The following DDAH1 variants were observed in gnomAD, a reference collection of about 807,000 sequenced individuals.
DDAH1 encodes N(G),N(G)-dimethylarginine dimethylaminohydrolase 1.
A neutral mutation model predicts 28.8 loss-of-function variants in DDAH1; 19 were observed. The observed-to-expected ratio is 0.66, with a 90% CI of 0.46 to 0.97. The LOEUF is 0.97. Among genes scored for constraint, DDAH1 ranks in the 50% least tolerant of loss-of-function variants. DDAH1 has a pLI of 0.00. For synonymous variants in DDAH1, 153 were observed against 154.4 expected (o/e 0.99, Z 0.07); for missense variants, 326 against 375.9 (o/e 0.87, Z 1.10).
intron 1 of DDAH1, among the ~76,000 whole-genome samples, chr1:85,434,265 A>G (rs1351163086): frequency 6.6e-6 from 1 of 152,176 alleles, no homozygotes; most frequent in Non-Finnish European, 1.5e-5. Flanking sequence ...AAAATGATTA[A>G]TCAGTTGCCT....
intron 1 of DDAH1, among the ~76,000 whole-genome samples, chr1:85,403,056 G>A (rs1045794351): frequency 2.0e-5 from 3 of 152,064 alleles, no homozygotes; most frequent in Non-Finnish European, 2.9e-5. Flanking sequence ...GGATCTGTGT[G>A]TGTTGGCTGT....
chr1:85,416,662 CTTCTT>C (rs944210585), intron 1 of DDAH1, among the ~76,000 whole-genome samples: 5 of 152,040 alleles, frequency 3.3e-5, no homozygotes, highest in Admixed American at 1.3e-4. Context: ...GAACTGGTGC[CTTCTT>C]TTCTTTTTTT....
chr1:85,569,475 C>T (rs958991724), intron 1 of DDAH1, among the ~76,000 whole-genome samples: 3 of 152,212 alleles, frequency 2.0e-5, no homozygotes, highest in Non-Finnish European at 4.4e-5. Context: ...GCTAAATTAA[C>T]TGCATTTGGT....
intron 1 of DDAH1, among the ~76,000 whole-genome samples, chr1:85,558,861 T>C (rs1659060243): frequency 6.6e-6 from 1 of 152,214 alleles, no homozygotes; most frequent in African/African-American, 2.4e-5. Context: ...TTTTGTTTAA[T>C]TAACATTGGT....
chr1:85,342,094 T>C lies in DDAH1; in HGVS notation c.597+8321A>G, dbSNP rs1648526248. The stretch of plus-strand genomic sequence containing the variant: ...GATTCCTACTGAGGCTAATTCAACT[T>C]TGTTTTTTCAAGAAGAGAACGAGTA... On this transcript the variant is annotated intron_variant, in intron 4 of 5. Transcript: ENST00000284031. Among the ~76,000 whole-genome samples, 3 of 152,070 alleles carry C rather than the reference T, an allele frequency of 2.0e-5. No homozygotes were observed. The South Asian group carries it at 6.2e-4, about 32-fold the overall frequency.
chr1:85,387,563 T>C (rs561811678), intron 1 of DDAH1, among the ~76,000 whole-genome samples: 4 of 152,204 alleles, frequency 2.6e-5, no homozygotes, highest in Admixed American at 6.5e-5. Flanking sequence ...TGGGCTTCAC[T>C]ATCCTTATTT....
chr1:85,366,435 T>C (rs1650080469), intron 1 of DDAH1, among the ~76,000 whole-genome samples: 1 of 152,196 alleles, frequency 6.6e-6, no homozygotes, highest in Non-Finnish European at 1.5e-5. Flanking sequence ...TGGGTTTATT[T>C]CTAGTGGAAA....
At chr1:85,417,595 T>C (rs1368528011) in intron 1 of DDAH1, among the ~76,000 whole-genome samples, 1 of 152,246 alleles carries the variant, frequency 6.6e-6, no homozygotes, top group Non-Finnish European at 1.5e-5. Flanking sequence ...ATGTAAATCC[T>C]ATCTCCTTAT....
At chr1:85,347,368 A>G (rs995707185) in intron 4 of DDAH1, among the ~76,000 whole-genome samples, 6 of 152,172 alleles carry the variant, frequency 3.9e-5, no homozygotes, top group Non-Finnish European at 8.8e-5. Context: ...AACCAACCCA[A>G]ATGTCCATCA....
At chr1:85,411,461 G>GTCACACCA (rs1652650714) in intron 1 of DDAH1, among the ~76,000 whole-genome samples, 1 of 152,028 alleles carries the variant, frequency 6.6e-6, no homozygotes, top group South Asian at 2.1e-4. Context: ...CCTGATGAGG[G>GTCACACCA]GACTGATGCT....
chr1:85,464,486 GCCCA>G lies in DDAH1; in HGVS notation c.303+253_303+256del. On this transcript the variant is annotated intron_variant, in intron 1 of 5. Transcript: ENST00000284031. This position sits in a 1 kb window ranked among gnomAD's most constrained non-coding sequence, Gnocchi z 4.4. ...AAATGCCCGTGAGACGGAATCCCCC[GCCCA>G]CCCACCTGCCCGAGACCGTACAACC... 1 of 1,457,806 alleles carries G rather than the reference GCCCA, an allele frequency of 6.9e-7. No homozygotes were observed. The highest frequency in any genetic ancestry group is 9.1e-7 in the Non-Finnish European group (1 of 1,096,596). The allele number at this position is 1,457,806 out of a possible 1,614,324, so 90.3% of individuals were successfully genotyped here.
intron 1 of DDAH1, among the ~76,000 whole-genome samples, chr1:85,514,367 C>T (rs1311510983): frequency 1.3e-5 from 2 of 152,230 alleles, no homozygotes; most frequent in Non-Finnish European, 2.9e-5. Flanking sequence ...GGGAACATCA[C>T]ACACCGGGGC....
chr1:85,478,280 T>A (rs1655871395), intron 2 of DDAH1, among the ~76,000 whole-genome samples: 1 of 152,236 alleles, frequency 6.6e-6, no homozygotes, highest in African/African-American at 2.4e-5. Flanking sequence ...CTAACTTGCT[T>A]TTTGCCAAGA....
At chr1:85,414,648 G>A (rs1311382521) in intron 1 of DDAH1, among the ~76,000 whole-genome samples, 2 of 152,174 alleles carry the variant, frequency 1.3e-5, no homozygotes, top group South Asian at 2.1e-4. Flanking sequence ...AGAAATGGAG[G>A]AGAGAGATTC....
rs1278443723 is a variant in DDAH1, at chr1:85,465,125, GC to G, written c.-81del. ...CGGGCAGCGCGCGCTGAGCCTGCGAGCGCCCGTCGGCTCCTCTTGGCAGCCG... is the reference window on the plus strand; with the variant it reads ...CGGGCAGCGCGCGCTGAGCCTGCGAGGCCCGTCGGCTCCTCTTGGCAGCCG... On this transcript the variant is annotated 5_prime_UTR_variant, in exon 1 of 6. Coordinates refer to ENST00000284031, the MANE Select transcript of DDAH1 (RefSeq NM_012137.4). 1 of 1,173,496 alleles carries G rather than the reference GC, an allele frequency of 8.5e-7. No homozygotes were observed. 72.7% of individuals were successfully genotyped at this position (1,173,496 alleles called of 1,614,324 possible).
intron 1 of DDAH1, among the ~76,000 whole-genome samples, chr1:85,375,082 C>CAG (rs3057846): frequency 0.91 from 138,576 of 152,094 alleles, 63,168 homozygotes; most frequent in South Asian, 0.95. Flanking sequence ...TCACAATTCA[C>CAG]AGTGTTTCTT....
intron 1 of DDAH1, among the ~76,000 whole-genome samples, chr1:85,570,904 A>G (rs934704672): frequency 6.6e-6 from 1 of 152,170 alleles, no homozygotes. Context: ...AAAATGGCAA[A>G]CACTCATACA....
chr1:85,564,284 T>C (rs1659222263), intron 1 of DDAH1, among the ~76,000 whole-genome samples: 1 of 151,996 alleles, frequency 6.6e-6, no homozygotes, highest in African/African-American at 2.4e-5. Flanking sequence ...TTAATGAACT[T>C]GAGATATAGC....
intron 1 of DDAH1, among the ~76,000 whole-genome samples, chr1:85,577,249 G>T (rs886097463): frequency 6.6e-6 from 1 of 152,140 alleles, no homozygotes; most frequent in Non-Finnish European, 1.5e-5. Context: ...CTCTCCGCGC[G>T]TCGGCCACCC....
Sources: allele counts gnomAD v4.1 joint callset (sites outside exome capture counted in the v4.1 genomes callset), GRCh38; gene constraint gnomAD v4.1.1; non-coding constraint Gnocchi (gnomAD v3.1); transcripts MANE v1.5; gene names NCBI Gene and HGNC (gene_info 2026-07-23, HGNC 2026-07-21).